B3GNT2: variants seen among roughly 807,000 people sequenced by gnomAD.
The protein encoded by B3GNT2 is N-acetyllactosaminide beta-1,3-N-acetylglucosaminyltransferase 2.
B3GNT2 carries 12 observed loss-of-function variants against 27.6 expected under a neutral mutation model. That is an observed-to-expected ratio of 0.44 (90% CI 0.28 to 0.71). The LOEUF is 0.71. B3GNT2 is among the 30% of genes least tolerant of loss of function. The pLI is 0.17. For missense variants in B3GNT2, 413 were observed against 488.5 expected (o/e 0.85, Z 1.46); for synonymous variants, 192 against 189.7 (o/e 1.01, Z -0.10).
intron 1 of B3GNT2, among the ~76,000 whole-genome samples, chr2:62,216,951 C>A (rs1049085517): frequency 6.6e-6 from 1 of 152,230 alleles, no homozygotes; most frequent in African/African-American, 2.4e-5. Flanking sequence ...TGGGCGCAAG[C>A]CCTGACTCCA....
intron 1 of B3GNT2, among the ~76,000 whole-genome samples, chr2:62,204,722 T>C (rs1289213268): frequency 6.6e-6 from 1 of 152,248 alleles, no homozygotes; most frequent in Non-Finnish European, 1.5e-5. Context: ...ACTTAAAATA[T>C]CTCTCATGAA....
In B3GNT2 at chr2:62,223,671, G is replaced by C. The variant is rs1272410868; in HGVS notation, c.*257G>C. The C allele has an allele frequency of 2.9e-6, 1 of 349,032 alleles. No individual in the cohort carries two copies. The highest frequency in any genetic ancestry group is 5.4e-6 in the Non-Finnish European group (1 of 183,712). 21.6% of individuals were successfully genotyped at this position (349,032 alleles called of 1,614,324 possible). A position where few individuals can be genotyped will look rare whatever the true frequency, so the allele number is the denominator to read the frequency against. ...GCTAGTGGTCATTTTTAAAAAACTT[G>C]TACCCTCTTATCTGAAATCCTGTTT... On this transcript the variant is annotated 3_prime_UTR_variant, in exon 2 of 2. Coordinates refer to ENST00000301998, the MANE Select transcript of B3GNT2 (RefSeq NM_006577.6).
intron 1 of B3GNT2, among the ~76,000 whole-genome samples, chr2:62,202,262 A>G (rs1284801052): frequency 6.6e-6 from 1 of 152,226 alleles, no homozygotes; most frequent in Non-Finnish European, 1.5e-5. Flanking sequence ...GAGGCAGCCA[A>G]GAAAGGCTTC....
In B3GNT2 at chr2:62,206,878, C is replaced by T. The variant is rs116351837; in HGVS notation, c.-10+10523C>T. Among the ~76,000 whole-genome samples the T allele has an allele frequency of 8.6e-3, 1,305 of 152,310 alleles. 12 individuals are homozygous for T. Among genetic ancestry groups the T allele is most frequent in the Admixed American group, 0.022 (343 of 15,292 alleles). On this transcript the variant is annotated intron_variant, in intron 1 of 1. Transcript: ENST00000301998. ...GTACCTCACTTTCTGGTGTCCCCTT[C>T]GCTGTAACCAAGAGCATATTCTCTT...
chr2:62,208,352 C>T (rs1224326755), intron 1 of B3GNT2, among the ~76,000 whole-genome samples: 1 of 151,914 alleles, frequency 6.6e-6, no homozygotes, highest in African/African-American at 2.4e-5. Context: ...TGTTTCTAGT[C>T]CAGTAAATGT....
intron 1 of B3GNT2, among the ~76,000 whole-genome samples, chr2:62,202,529 G>A (rs1487409191): frequency 6.6e-6 from 1 of 152,150 alleles, no homozygotes; most frequent in Non-Finnish European, 1.5e-5. Context: ...TGGAGGTAGT[G>A]AGGAACCAGT....
chr2:62,208,125 G>A (rs182121804), intron 1 of B3GNT2, among the ~76,000 whole-genome samples: 63 of 151,740 alleles, frequency 4.2e-4, no homozygotes, highest in African/African-American at 1.5e-3. Flanking sequence ...TCACTTTTTC[G>A]TACCTATGTG....
At chr2:62,208,856 G>C (rs916135561) in intron 1 of B3GNT2, among the ~76,000 whole-genome samples, 1 of 152,164 alleles carries the variant, frequency 6.6e-6, no homozygotes, top group Non-Finnish European at 1.5e-5. Context: ...TCCTTGGTGT[G>C]TCAGACCTGT....
At chr2:62,201,461 T>C (rs1306523719) in intron 1 of B3GNT2, among the ~76,000 whole-genome samples, 1 of 152,256 alleles carries the variant, frequency 6.6e-6, no homozygotes, top group African/African-American at 2.4e-5. Context: ...GAAATAATTA[T>C]TTCAGAGGTG....
chr2:62,211,226 T>C (rs1349699410), intron 1 of B3GNT2, among the ~76,000 whole-genome samples: 1 of 152,054 alleles, frequency 6.6e-6, no homozygotes, highest in East Asian at 1.9e-4. Flanking sequence ...TGTGGTGACA[T>C]GCCTGTAGTC....
At chr2:62,218,370 T>A (rs990622732) in intron 1 of B3GNT2, among the ~76,000 whole-genome samples, 1 of 152,318 alleles carries the variant, frequency 6.6e-6, no homozygotes, top group South Asian at 2.1e-4. Flanking sequence ...CCTCTTCAGA[T>A]TGGCTTGAAA....
At chr2:62,212,736 T>G (rs1275005212) in intron 1 of B3GNT2, among the ~76,000 whole-genome samples, 1 of 152,086 alleles carries the variant, frequency 6.6e-6, no homozygotes, top group East Asian at 1.9e-4. Flanking sequence ...TTGGGAGATA[T>G]TTTTCATCTG....
intron 1 of B3GNT2, among the ~76,000 whole-genome samples, chr2:62,208,521 T>A (rs147754175): frequency 1.3e-5 from 2 of 152,206 alleles, no homozygotes; most frequent in East Asian, 3.9e-4. Context: ...CACGTAATTG[T>A]GTCTTGAGGA....
In B3GNT2 at chr2:62,216,412, GT is replaced by G. The variant is rs200883564; in HGVS notation, c.-9-5792del. Among the ~76,000 whole-genome samples the G allele has an allele frequency of 3.1e-4, 28 of 91,642 alleles. No individual in the cohort carries two copies. In the South Asian group the frequency reaches 7.6e-3, roughly 25 times the overall value. The allele number at this position is 91,642 out of a possible 152,430, so 60.1% of individuals were successfully genotyped here. A position where few individuals can be genotyped will look rare whatever the true frequency, so the allele number is the denominator to read the frequency against. ...TAGCTTCTGATTTTTCTTTTTTTTTGTTTTTTTTAAAGAGATAGGGTCTCAC... is the reference window on the plus strand; with the variant it reads ...TAGCTTCTGATTTTTCTTTTTTTTTGTTTTTTTAAAGAGATAGGGTCTCAC... On this transcript the variant is annotated intron_variant, in intron 1 of 1. Transcript: ENST00000301998.
chr2:62,214,129 G>C (rs1354231219), intron 1 of B3GNT2, among the ~76,000 whole-genome samples: 2 of 152,186 alleles, frequency 1.3e-5, no homozygotes, highest in Non-Finnish European at 2.9e-5. Flanking sequence ...TCAACCTCTG[G>C]GAATGGAGAA....
chr2:62,223,179 A>G lies in B3GNT2; in HGVS notation c.959A>G (p.Tyr320Cys), dbSNP rs767656359. ...LYSGHLALRLYHITDQVHLYP... is the reference protein window; with the variant it reads ...LYSGHLALRLCHITDQVHLYP... ...TCCGGCCACCTGGCCCTGAGGCTGTACCATATCACTGACCAGGTCCATCTC... is the reference window on the plus strand; with the variant it reads ...TCCGGCCACCTGGCCCTGAGGCTGTGCCATATCACTGACCAGGTCCATCTC... Residue 320 changes from tyrosine to cysteine, a missense_variant, in exon 2 of 2, where the codon TAC (tyrosine) becomes TGC (cysteine). Coordinates refer to ENST00000301998, the MANE Select transcript of B3GNT2 (RefSeq NM_006577.6). The G allele has an allele frequency of 1.5e-5, 24 of 1,614,086 alleles. No homozygotes were observed. The highest frequency in any genetic ancestry group is 2.0e-5 in the Non-Finnish European group (24 of 1,180,054).
At chr2:62,201,097 A>G (rs1674256483) in intron 1 of B3GNT2, among the ~76,000 whole-genome samples, 1 of 152,166 alleles carries the variant, frequency 6.6e-6, no homozygotes, top group Non-Finnish European at 1.5e-5. Flanking sequence ...TATTTCTTTA[A>G]CAGGGTGATA....
intron 1 of B3GNT2, among the ~76,000 whole-genome samples, chr2:62,206,211 C>T (rs536501464): frequency 3.9e-5 from 6 of 152,156 alleles, no homozygotes; most frequent in Admixed American, 2.0e-4. Flanking sequence ...ACGTGCTCAG[C>T]GAGGATGGGG....
chr2:62,203,819 G>T (rs77160617), intron 1 of B3GNT2, among the ~76,000 whole-genome samples: 2,626 of 152,246 alleles, frequency 0.017, 29 homozygotes, highest in Non-Finnish European at 0.025. Context: ...CTTGAAGTAG[G>T]TTTTGGTCCC....
Sources: gnomAD v4.1 joint callset for allele counts (sites outside exome capture counted in the v4.1 genomes callset) on GRCh38, gnomAD v4.1.1 for gene constraint, MANE v1.5 for transcripts, NCBI Gene and HGNC (gene_info 2026-07-23, HGNC 2026-07-21) for gene names.